The following TASOR2 variants were observed in gnomAD, a reference collection of about 807,000 sequenced individuals.
TASOR2 encodes the protein protein TASOR 2.
In TASOR2, 84 loss-of-function variants were observed where a neutral mutation model predicts 199.5. The observed-to-expected ratio is 0.42, with a 90% CI of 0.35 to 0.50. The LOEUF is 0.50. Among genes scored for constraint, TASOR2 ranks in the 20% least tolerant of loss-of-function variants. The probability of loss-of-function intolerance (pLI) is 0.02; values close to 1 mark genes in which losing one functional copy is unlikely to be tolerated. For missense variants in TASOR2, 2,796 were observed against 2,835.9 expected (o/e 0.99, Z 0.32); for synonymous variants, 1,103 against 1,046.6 (o/e 1.05, Z -1.04).
chr10:5,747,682 A>T (rs1209086827), exon 15 of TASOR2: 1 of 1,614,150 alleles, frequency 6.2e-7, no homozygotes, highest in East Asian at 2.2e-5. Context: ...TCAGGCTGTG[A>T]CTCCATGCAT....
intron 1 of TASOR2, among the ~76,000 whole-genome samples, chr10:5,686,470 A>G (rs781521926): frequency 3.3e-5 from 5 of 152,224 alleles, no homozygotes; most frequent in Non-Finnish European, 7.3e-5. Flanking sequence ...TTTTCAAGAT[A>G]TCCCTATAAC....
intron 11 of TASOR2, among the ~76,000 whole-genome samples, chr10:5,733,928 G>A (rs1464370500): frequency 2.6e-5 from 4 of 152,154 alleles, no homozygotes; most frequent in African/African-American, 7.2e-5. Flanking sequence ...GACTTGAAAT[G>A]TACAGCATTA....
At chr10:5,733,262 C>G (rs1170595488) in intron 11 of TASOR2, among the ~76,000 whole-genome samples, 1 of 152,128 alleles carries the variant, frequency 6.6e-6, no homozygotes, top group Non-Finnish European at 1.5e-5. Flanking sequence ...AATCCTAACA[C>G]TTTGGGAGGC....
rs770545164 is a variant in TASOR2, at chr10:5,740,285, G to C, written c.2115G>C (p.Leu705Phe). The stretch of plus-strand genomic sequence containing the variant: ...CATTTCGGCATCAGCCCGGCCTTTT[G>C]CTTCAGCAAAAGCCTCCTGACGACC... Residue 705 changes from leucine to phenylalanine, a missense_variant, in exon 13 of 21, where the codon TTG becomes TTC. Leu to Phe is a conservative substitution (Grantham distance 22, BLOSUM62 0). Around this residue, in one of 3 missense-constraint regions of TASOR2, gnomAD observed 847 missense variants for 887.4 expected, o/e 0.95. Transcript: ENST00000328090. The surrounding 1 kb of genome is among the most constrained non-coding windows in gnomAD (Gnocchi z 5.3). 6.2e-7 allele frequency: 1 copy of C among 1,614,206 alleles called. No homozygotes were observed. The highest frequency in any genetic ancestry group is 8.5e-7 in the Non-Finnish European group (1 of 1,180,036).
At chr10:5,745,671 T>C (rs1446230391) in intron 14 of TASOR2, among the ~76,000 whole-genome samples, 2 of 151,864 alleles carry the variant, frequency 1.3e-5, no homozygotes, top group East Asian at 1.9e-4. Context: ...TCCCAGCTAC[T>C]CGGGAGGCTG....
chr10:5,694,970 A>G (rs1165456906), intron 1 of TASOR2, among the ~76,000 whole-genome samples: 3 of 152,198 alleles, frequency 2.0e-5, no homozygotes, highest in Non-Finnish European at 2.9e-5. Context: ...TACTTTGCCA[A>G]TGCATATATT....
intron 1 of TASOR2, among the ~76,000 whole-genome samples, chr10:5,711,255 A>G (rs1831868251): frequency 6.6e-6 from 1 of 152,140 alleles, no homozygotes; most frequent in South Asian, 2.1e-4. Flanking sequence ...GCTTACTAAA[A>G]TGTTTGCTTT....
rs1832293275 is a variant in TASOR2, at chr10:5,714,117, G to A, written c.-192+1199G>A. 9.8e-6 allele frequency: 12 copies of A among 1,220,238 alleles called. No individual in the cohort carries two copies. The highest frequency in any genetic ancestry group is 1.2e-5 in the Non-Finnish European group (12 of 977,734). The allele number at this position is 1,220,238 out of a possible 1,614,324, so 75.6% of individuals were successfully genotyped here. ...TCATTGCTTCAAAGACTGAAGCAAA[G>A]TAATCTTTTGTTTAAAGGCAAAATT... On this transcript the variant is annotated intron_variant, in intron 2 of 20. Coordinates refer to ENST00000328090, the Ensembl canonical transcript of TASOR2.
At chr10:5,695,850 A>G (rs2131504065) in intron 1 of TASOR2, among the ~76,000 whole-genome samples, 1 of 152,298 alleles carries the variant, frequency 6.6e-6, no homozygotes, top group Middle Eastern at 3.4e-3. Context: ...CAGAATCTGG[A>G]AAAGTTTTAG....
chr10:5,703,289 G>C (rs964212258), intron 1 of TASOR2, among the ~76,000 whole-genome samples: 1 of 151,908 alleles, frequency 6.6e-6, no homozygotes, highest in Non-Finnish European at 1.5e-5. Flanking sequence ...CTGTTTATCA[G>C]GTAATCTATT....
At chr10:5,691,071 G>C (rs1367110686) in intron 1 of TASOR2, among the ~76,000 whole-genome samples, 2 of 145,378 alleles carry the variant, frequency 1.4e-5, no homozygotes, top group Admixed American at 1.4e-4. Context: ...CATGCCTGTA[G>C]TCCCAGCTTC....
At chr10:5,694,256 G>T (rs1439627332) in intron 1 of TASOR2, among the ~76,000 whole-genome samples, 2 of 152,190 alleles carry the variant, frequency 1.3e-5, no homozygotes, top group African/African-American at 4.8e-5. Context: ...AATTTTACTT[G>T]TCCATGGCCA....
At chr10:5,757,828 TCATA>T (rs1297098475) in intron 17 of TASOR2, among the ~76,000 whole-genome samples, 155 bp downstream of exon 18, 2 of 152,184 alleles carry the variant, frequency 1.3e-5, no homozygotes, top group Admixed American at 6.5e-5. Context: ...TGTGCTCTTT[TCATA>T]CAGTGATTCT....
At chr10:5,757,715 C>A in intron 17 of TASOR2, 42 bp downstream of exon 18, 1 of 1,596,380 alleles carries the variant, frequency 6.3e-7, no homozygotes, top group Non-Finnish European at 8.6e-7. Context: ...GAAGTCAGAT[C>A]AACTTCTCAC....
intron 1 of TASOR2, among the ~76,000 whole-genome samples, chr10:5,697,355 G>C (rs1272703301): frequency 6.6e-6 from 1 of 152,198 alleles, no homozygotes; most frequent in Non-Finnish European, 1.5e-5. Flanking sequence ...CAACAGTTCT[G>C]TGACAAAGAT....
chr10:5,694,536 T>C (rs1301736323), intron 1 of TASOR2, among the ~76,000 whole-genome samples: 2 of 152,232 alleles, frequency 1.3e-5, no homozygotes, highest in African/African-American at 4.8e-5. Flanking sequence ...TGACCATTGT[T>C]TAAATTGTGG....
intron 1 of TASOR2, among the ~76,000 whole-genome samples, chr10:5,688,270 G>A (rs1836010928): frequency 6.6e-6 from 1 of 152,024 alleles, no homozygotes; most frequent in Non-Finnish European, 1.5e-5. Flanking sequence ...TGTCGCCCAG[G>A]CTAGAGTGCA....
exon 15 of TASOR2, chr10:5,746,573 C>G: frequency 6.2e-7 from 1 of 1,614,086 alleles, no homozygotes. Context: ...AACCCGGAAC[C>G]AATTACTCTC....
At chr10:5,712,868 G>A (rs1832092831) in exon 2 of TASOR2, 1 of 1,231,268 alleles carries the variant, frequency 8.1e-7, no homozygotes, top group African/African-American at 1.6e-5. Context: ...TTATACTCAG[G>A]AAGAACTTCA....
Sources: allele counts gnomAD v4.1 joint callset (sites outside exome capture counted in the v4.1 genomes callset), GRCh38; gene constraint gnomAD v4.1.1; regional missense constraint gnomAD v4.1.1; non-coding constraint Gnocchi (gnomAD v3.1); transcripts MANE v1.5; gene names NCBI Gene and HGNC (gene_info 2026-07-23, HGNC 2026-07-21).